Variants in MAF observed in about 807,000 individuals in gnomAD.
MAF encodes the protein transcription factor Maf.
MAF carries 10 observed loss-of-function variants against 22.0 expected under a neutral mutation model. The ratio of observed to expected loss-of-function variants is 0.45; its 90% confidence interval spans 0.28 to 0.77. MAF has a LOEUF of 0.77. MAF is among the 30% of genes least tolerant of loss of function. MAF has a pLI of 0.12. For missense variants in MAF, 544 were observed against 548.4 expected (o/e 0.99, Z 0.08); for synonymous variants, 337 against 255.8 (o/e 1.32, Z -3.03).
the MAF span, among the ~76,000 whole-genome samples, chr16:79,431,123 G>C: frequency 6.6e-6 from 1 of 152,164 alleles, no homozygotes; most frequent in South Asian, 2.1e-4. Flanking sequence ...AGGGTACACA[G>C]CTTGGGGATT....
At chr16:79,522,522 T>C in the MAF span, among the ~76,000 whole-genome samples, 1 of 152,246 alleles carries the variant, frequency 6.6e-6, no homozygotes, top group Non-Finnish European at 1.5e-5. Flanking sequence ...GTGACTATCC[T>C]GTAGCCGGCA....
chr16:79,328,017 T>A, the MAF span, among the ~76,000 whole-genome samples: 2 of 152,188 alleles, frequency 1.3e-5, no homozygotes, highest in African/African-American at 4.8e-5. Context: ...GAGCCTCAAT[T>A]TCCTTCTCTG....
chr16:79,352,866 G>T, the MAF span, among the ~76,000 whole-genome samples: 17 of 152,150 alleles, frequency 1.1e-4, no homozygotes, highest in Non-Finnish European at 1.9e-4. Flanking sequence ...TTGCAGGGAG[G>T]TATTAAATTA....
the MAF span, among the ~76,000 whole-genome samples, chr16:79,428,334 C>T: frequency 6.6e-6 from 1 of 152,112 alleles, no homozygotes; most frequent in East Asian, 1.9e-4. Flanking sequence ...GGGTGGCAAG[C>T]ACACACTGAT....
chr16:79,250,029 C>T, the MAF span, among the ~76,000 whole-genome samples: 1 of 152,190 alleles, frequency 6.6e-6, no homozygotes, highest in Non-Finnish European at 1.5e-5. Flanking sequence ...TGAATTAGCC[C>T]GTTACCAGCA....
chr16:79,303,567 C>T, the MAF span, among the ~76,000 whole-genome samples: 2 of 152,184 alleles, frequency 1.3e-5, no homozygotes, highest in African/African-American at 4.8e-5. Context: ...GAAATATGCC[C>T]TCTTCCAAAG....
chr16:79,517,583 T>C, the MAF span, among the ~76,000 whole-genome samples: 3 of 148,134 alleles, frequency 2.0e-5, no homozygotes, highest in Admixed American at 1.3e-4. Flanking sequence ...TTTTTTTTTT[T>C]TTTTTTTTTG....
chr16:79,252,306 C>CTTTATTTATTTATAAATAAAG, the MAF span, among the ~76,000 whole-genome samples: 3 of 151,542 alleles, frequency 2.0e-5, no homozygotes, highest in East Asian at 1.9e-4. Context: ...TATAAATAAA[C>CTTTATTTATTTATAAATAAAG]TTTATTTATT....
chr16:79,475,362 A>ATGTGTGTGTGTGTGTGTG, the MAF span, among the ~76,000 whole-genome samples: 31 of 148,804 alleles, frequency 2.1e-4, no homozygotes, highest in South Asian at 2.2e-3. Flanking sequence ...ATGTATATAT[A>ATGTGTGTGTGTGTGTGTG]TGTGTGTGTG....
chr16:79,367,862 T>G, the MAF span, among the ~76,000 whole-genome samples: 1 of 152,246 alleles, frequency 6.6e-6, no homozygotes, highest in Non-Finnish European at 1.5e-5. Flanking sequence ...GCAAGTCCTG[T>G]GCATAACCAG....
At chr16:79,239,106 A>G in the MAF span, among the ~76,000 whole-genome samples, 4 of 152,016 alleles carry the variant, frequency 2.6e-5, no homozygotes, top group African/African-American at 9.7e-5. Context: ...GTCCATAGTC[A>G]CTGTCCTAAA....
the MAF span, among the ~76,000 whole-genome samples, chr16:79,508,088 A>C: frequency 6.6e-6 from 1 of 152,140 alleles, no homozygotes; most frequent in Admixed American, 6.5e-5. Context: ...AGTCTCCACC[A>C]CGGGGAAGGA....
chr16:79,253,262 T>C, the MAF span, among the ~76,000 whole-genome samples: 1 of 152,170 alleles, frequency 6.6e-6, no homozygotes, highest in Non-Finnish European at 1.5e-5. Context: ...CACAAAAGTA[T>C]GCCTGTTCCC....
At chr16:79,332,359 G>A in the MAF span, among the ~76,000 whole-genome samples, 1 of 152,020 alleles carries the variant, frequency 6.6e-6, no homozygotes, top group Non-Finnish European at 1.5e-5. Flanking sequence ...GGTGTGCAGT[G>A]GCGCTGTCAC....
chr16:79,469,885 G>A, the MAF span, among the ~76,000 whole-genome samples: 5 of 152,140 alleles, frequency 3.3e-5, no homozygotes, highest in African/African-American at 9.7e-5. Flanking sequence ...TTGAGCCACC[G>A]CGCCTGGCCT....
chr16:79,340,810 C>T, the MAF span, among the ~76,000 whole-genome samples: 1 of 152,114 alleles, frequency 6.6e-6, no homozygotes, highest in African/African-American at 2.4e-5. Context: ...TAGATGTCCC[C>T]TGGGAAGCAA....
chr16:79,214,488 C>A, the MAF span, among the ~76,000 whole-genome samples: 1 of 152,176 alleles, frequency 6.6e-6, no homozygotes, highest in South Asian at 2.1e-4. Flanking sequence ...TCACTGCAAC[C>A]TCCACCTCCC....
the MAF span, among the ~76,000 whole-genome samples, chr16:79,346,202 C>T: frequency 3.5e-4 from 52 of 147,900 alleles, 2 homozygotes; most frequent in Middle Eastern, 6.9e-3. Context: ...CTACAGTCCC[C>T]GGTGTGTGAT....
At chr16:79,314,060 G>A in the MAF span, among the ~76,000 whole-genome samples, 1 of 152,102 alleles carries the variant, frequency 6.6e-6, no homozygotes, top group Admixed American at 6.5e-5. Flanking sequence ...TCCAAGACAT[G>A]GACAGTTCAC....
Sources: gnomAD v4.1 joint callset for allele counts (sites outside exome capture counted in the v4.1 genomes callset) on GRCh38, gnomAD v4.1.1 for gene constraint, MANE v1.5 for transcripts, NCBI Gene and HGNC (gene_info 2026-07-23, HGNC 2026-07-21) for gene names.